AKAP19: variants seen among roughly 807,000 people sequenced by gnomAD.
The protein encoded by AKAP19 is A-kinase anchoring protein 19.
chr2:190,100,713 A>G, the AKAP19 span, among the ~76,000 whole-genome samples: 1 of 152,236 alleles, frequency 6.6e-6, no homozygotes, highest in Non-Finnish European at 1.5e-5. Flanking sequence ...ACAGCTGATT[A>G]GAGGGTTTTA....
chr2:189,975,413 G>GT, the AKAP19 span, among the ~76,000 whole-genome samples: 78 of 152,162 alleles, frequency 5.1e-4, 1 homozygote, highest in African/African-American at 1.8e-3. Flanking sequence ...TGCCCTTAAC[G>GT]TTTTTTCCTT....
the AKAP19 span, among the ~76,000 whole-genome samples, chr2:190,145,009 G>A: frequency 6.6e-6 from 1 of 152,152 alleles, no homozygotes. Context: ...GGCCAGGCAT[G>A]GTGGGTCACA....
At chr2:189,994,800 T>C in the AKAP19 span, among the ~76,000 whole-genome samples, 18 of 152,240 alleles carry the variant, frequency 1.2e-4, no homozygotes, top group East Asian at 3.5e-3. Flanking sequence ...GGTTTTGCTA[T>C]GTTGGCCAGG....
the AKAP19 span, among the ~76,000 whole-genome samples, chr2:190,142,239 T>C: frequency 6.6e-6 from 1 of 152,214 alleles, no homozygotes; most frequent in African/African-American, 2.4e-5. Flanking sequence ...TTAGTTATGG[T>C]GTCTTTAACT....
the AKAP19 span, among the ~76,000 whole-genome samples, chr2:189,897,302 A>G: frequency 1.3e-5 from 2 of 152,194 alleles, no homozygotes; most frequent in African/African-American, 4.8e-5. Context: ...CTTGTTATAT[A>G]TAATTTTTGG....
the AKAP19 span, among the ~76,000 whole-genome samples, chr2:190,176,334 G>T: frequency 6.6e-6 from 1 of 152,126 alleles, no homozygotes; most frequent in Admixed American, 6.5e-5. The surrounding 1 kb of genome is among the most constrained non-coding windows in gnomAD (Gnocchi z 4.7). Flanking sequence ...AAAGTTTCAG[G>T]AGTAAAGTAT....
the AKAP19 span, among the ~76,000 whole-genome samples, chr2:189,969,728 CAAAAAAAA>C: frequency 6.1e-5 from 3 of 49,448 alleles, no homozygotes; most frequent in Non-Finnish European, 1.2e-4. Context: ...GACTCCATCT[CAAAAAAAA>C]AAAAAAAAAA....
chr2:190,013,266 T>G, the AKAP19 span, among the ~76,000 whole-genome samples: 1 of 152,192 alleles, frequency 6.6e-6, no homozygotes. Flanking sequence ...CGGGGACTTT[T>G]TATTACTGAT....
chr2:189,965,004 G>C, the AKAP19 span, among the ~76,000 whole-genome samples: 1 of 152,174 alleles, frequency 6.6e-6, no homozygotes, highest in Non-Finnish European at 1.5e-5. Flanking sequence ...CTTGGCTTTA[G>C]ACCTGCCTTG....
the AKAP19 span, among the ~76,000 whole-genome samples, chr2:190,026,904 C>G: frequency 1.2e-4 from 19 of 152,068 alleles, no homozygotes; most frequent in South Asian, 2.7e-3. Context: ...TTAATAAAAC[C>G]AGTTCTTGCA....
the AKAP19 span, among the ~76,000 whole-genome samples, chr2:189,888,741 T>G: frequency 6.6e-6 from 1 of 152,182 alleles, no homozygotes; most frequent in Admixed American, 6.5e-5. Flanking sequence ...GGCTCTCTGT[T>G]TGTCTGTTAT....
chr2:189,903,266 C>G, the AKAP19 span, among the ~76,000 whole-genome samples: 1 of 151,574 alleles, frequency 6.6e-6, no homozygotes, highest in Non-Finnish European at 1.5e-5. Flanking sequence ...GTTGAAAAAC[C>G]AAAATAATAT....
At chr2:190,183,915 T>C in the AKAP19 span, among the ~76,000 whole-genome samples, 1 of 152,008 alleles carries the variant, frequency 6.6e-6, no homozygotes. Flanking sequence ...AGCAGTTTTG[T>C]TTTCTTTCTC....
At chr2:189,923,373 C>A in the AKAP19 span, 1 of 1,612,668 alleles carries the variant, frequency 6.2e-7, no homozygotes, top group Non-Finnish European at 8.5e-7. Context: ...GATCCTCGTT[C>A]CATGAACTCC....
the AKAP19 span, among the ~76,000 whole-genome samples, chr2:190,178,533 C>A: frequency 5.3e-5 from 8 of 152,314 alleles, 1 homozygote; most frequent in Admixed American, 5.2e-4. This position sits in a 1 kb window ranked among gnomAD's most constrained non-coding sequence, Gnocchi z 6.3. Flanking sequence ...ATGGCAGAGG[C>A]CACGGGCTAG....
At chr2:189,907,220 A>G in the AKAP19 span, among the ~76,000 whole-genome samples, 2 of 152,102 alleles carry the variant, frequency 1.3e-5, no homozygotes, top group African/African-American at 4.8e-5. Flanking sequence ...AGTCTTACAT[A>G]TATATGGGTC....
At chr2:190,065,309 T>C in the AKAP19 span, among the ~76,000 whole-genome samples, 1 of 152,130 alleles carries the variant, frequency 6.6e-6, no homozygotes, top group Admixed American at 6.6e-5. Context: ...TGAGGGGTAG[T>C]TACTGTGTGA....
chr2:189,924,279 C>T, the AKAP19 span: 1 of 1,145,590 alleles, frequency 8.7e-7, no homozygotes, highest in African/African-American at 1.5e-5. Context: ...TGTCTAAGAT[C>T]AAATTTTTCA....
chr2:190,202,872 T>C, the AKAP19 span: 2 of 167,096 alleles, frequency 1.2e-5, no homozygotes, highest in Non-Finnish European at 2.9e-5. Context: ...CCTTCCCCAG[T>C]TGTCGCTTAT....
Sources: allele counts gnomAD v4.1 joint callset (sites outside exome capture counted in the v4.1 genomes callset), GRCh38; gene constraint gnomAD v4.1.1; non-coding constraint Gnocchi (gnomAD v3.1); transcripts MANE v1.5; gene names NCBI Gene and HGNC (gene_info 2026-07-23, HGNC 2026-07-21).